Variants in ZNF362 observed in about 807,000 individuals in gnomAD.
ZNF362 encodes zinc finger protein 362.
A neutral mutation model predicts 42.9 loss-of-function variants in ZNF362; 11 were observed. That is an observed-to-expected ratio of 0.26 (90% CI 0.16 to 0.42). The LOEUF (loss-of-function observed/expected upper bound fraction) is 0.42. Ranked by LOEUF, ZNF362 falls within the 20% of genes least tolerant of loss-of-function variation. The pLI is 1.00. For synonymous variants in ZNF362, 255 were observed against 257.3 expected, an observed-to-expected ratio of 0.99 and a Z score of 0.09; for missense variants, 362 against 576.2, an observed-to-expected ratio of 0.63 and a Z score of 3.81.
the ZNF362 span, chr1:33,146,932 A>G: frequency 1.8e-6 from 1 of 544,856 alleles, no homozygotes. Flanking sequence ...AGGAGAAGCC[A>G]TGTCACATCC....
At chr1:33,183,095 A>C in the ZNF362 span, among the ~76,000 whole-genome samples, 4 of 152,286 alleles carry the variant, frequency 2.6e-5, no homozygotes, top group Non-Finnish European at 5.9e-5. Context: ...GGGCACCCCT[A>C]AGGTGCTGTT....
At chr1:33,149,792 G>A in the ZNF362 span, among the ~76,000 whole-genome samples, 10 of 152,272 alleles carry the variant, frequency 6.6e-5, no homozygotes, top group South Asian at 2.1e-4. Context: ...TGATACTGGC[G>A]TGGGGTATTA....
chr1:33,137,982 G>C, the ZNF362 span, among the ~76,000 whole-genome samples: 1 of 152,210 alleles, frequency 6.6e-6, no homozygotes, highest in Non-Finnish European at 1.5e-5. Context: ...GGAAAGGGGT[G>C]GGCTTCTACT....
chr1:33,273,567 TG>T (rs908783914), intron 2 of ZNF362, among the ~76,000 whole-genome samples: 6 of 152,200 alleles, frequency 3.9e-5, no homozygotes, highest in African/African-American at 1.4e-4. Context: ...GGCAGAGTCC[TG>T]GGCCAGGGCA....
intron 2 of ZNF362, 54 bp from the exon 3 acceptor site, chr1:33,276,046 C>T: frequency 6.2e-7 from 1 of 1,605,166 alleles, no homozygotes; most frequent in Non-Finnish European, 8.5e-7. Flanking sequence ...GGGGTGCTCG[C>T]CCCAGGCCTT....
chr1:33,157,315 T>C, the ZNF362 span, among the ~76,000 whole-genome samples: 1 of 152,182 alleles, frequency 6.6e-6, no homozygotes, highest in Non-Finnish European at 1.5e-5. Flanking sequence ...TGAGATGTGC[T>C]CCTGCCTCAG....
the ZNF362 span, among the ~76,000 whole-genome samples, chr1:33,193,674 G>T: frequency 6.6e-6 from 1 of 152,118 alleles, no homozygotes; most frequent in Non-Finnish European, 1.5e-5. Flanking sequence ...TAGATGGGAC[G>T]CAAATGTGAT....
At chr1:33,233,406 CT>C in the ZNF362 span, among the ~76,000 whole-genome samples, 914 of 144,366 alleles carry the variant, frequency 6.3e-3, 5 homozygotes, top group African/African-American at 0.015. Flanking sequence ...CCTTCTCACA[CT>C]TTTTTTTTTT....
the ZNF362 span, among the ~76,000 whole-genome samples, chr1:33,192,734 A>G: frequency 1.3e-5 from 2 of 152,114 alleles, no homozygotes; most frequent in African/African-American, 4.8e-5. Context: ...TCCAAGGGAT[A>G]TGGATGGGGA....
the ZNF362 span, among the ~76,000 whole-genome samples, chr1:33,135,568 C>T: frequency 2.6e-4 from 40 of 152,296 alleles, no homozygotes; most frequent in African/African-American, 9.4e-4. Context: ...CATTGCTTTG[C>T]CCTTGGTCTC....
chr1:33,266,533 C>T lies in ZNF362; in HGVS notation c.-88-3954C>T, dbSNP rs1645865981. On this transcript the variant is annotated intron_variant, in intron 1 of 8. Coordinates refer to ENST00000539719, the MANE Select transcript of ZNF362 (RefSeq NM_152493.3). The surrounding 1 kb of genome is among the most constrained non-coding windows in gnomAD (Gnocchi z 4.3). The stretch of plus-strand genomic sequence containing the variant: ...CTATGTGGGAAACGTCAAAAGTGAC[C>T]TTTAAGTTGAGACAGGAGGGAAGAC... Among the ~76,000 whole-genome samples the T allele has an allele frequency of 6.6e-6, 1 of 152,162 alleles. No homozygotes were observed. Among genetic ancestry groups the T allele is most frequent in the South Asian group, 2.1e-4 (1 of 4,824 alleles).
At chr1:33,175,251 T>A in the ZNF362 span, among the ~76,000 whole-genome samples, 3 of 151,312 alleles carry the variant, frequency 2.0e-5, no homozygotes, top group Non-Finnish European at 4.4e-5. Flanking sequence ...GGTTTCATAA[T>A]GTTGGCCAGG....
chr1:33,245,530 G>T, the ZNF362 span, among the ~76,000 whole-genome samples: 2 of 152,052 alleles, frequency 1.3e-5, no homozygotes, highest in African/African-American at 4.8e-5. Context: ...TTTGGTAAAA[G>T]GATTTTGCAT....
chr1:33,247,853 G>C, the ZNF362 span, among the ~76,000 whole-genome samples: 4 of 152,216 alleles, frequency 2.6e-5, no homozygotes, highest in Admixed American at 6.5e-5. Flanking sequence ...ACACCCATGA[G>C]CTCCTTAGAC....
At chr1:33,243,958 G>GA in the ZNF362 span, among the ~76,000 whole-genome samples, 4 of 151,970 alleles carry the variant, frequency 2.6e-5, no homozygotes, top group South Asian at 4.2e-4. Context: ...TTTTAGAATG[G>GA]AAAAAAATAT....
intron 1 of ZNF362, among the ~76,000 whole-genome samples, chr1:33,257,696 G>A (rs1645803431): frequency 6.6e-6 from 1 of 152,066 alleles, no homozygotes; most frequent in South Asian, 2.1e-4. Context: ...CGGCAAGAGG[G>A]GCTCAGAATG....
the ZNF362 span, among the ~76,000 whole-genome samples, chr1:33,191,989 T>A: frequency 6.6e-6 from 1 of 152,222 alleles, no homozygotes; most frequent in African/African-American, 2.4e-5. Context: ...AAGCCTATTA[T>A]CCTCTAGCAA....
chr1:33,258,765 CTTCACAGTT>C (rs1196288598), intron 1 of ZNF362, among the ~76,000 whole-genome samples: 1 of 152,168 alleles, frequency 6.6e-6, no homozygotes, highest in Admixed American at 6.5e-5. Flanking sequence ...GAGAATTGAA[CTTCACAGTT>C]TTCACAGTAT....
chr1:33,194,093 G>C, the ZNF362 span, among the ~76,000 whole-genome samples: 2 of 152,082 alleles, frequency 1.3e-5, no homozygotes, highest in African/African-American at 4.8e-5. Context: ...TAGCAAAAAT[G>C]AACTATTAAA....
Sources: gnomAD v4.1 joint callset for allele counts (sites outside exome capture counted in the v4.1 genomes callset) on GRCh38, gnomAD v4.1.1 for gene constraint, Gnocchi (gnomAD v3.1) non-coding constraint, MANE v1.5 for transcripts, NCBI Gene and HGNC (gene_info 2026-07-23, HGNC 2026-07-21) for gene names.